LRFN2: variants seen among roughly 807,000 people sequenced by gnomAD.
LRFN2 encodes leucine-rich repeat and fibronectin type-III domain-containing protein 2.
In LRFN2, 18 loss-of-function variants were observed where a neutral mutation model predicts 37.3. That is an observed-to-expected ratio of 0.48 (90% CI 0.33 to 0.72). LRFN2 has a LOEUF of 0.72. Among genes scored for constraint, LRFN2 ranks in the 30% least tolerant of loss-of-function variants. The pLI, the probability that LRFN2 is intolerant of heterozygous loss-of-function variation, is 0.02. For synonymous variants in LRFN2, 556 were observed against 466.6 expected (o/e 1.19, Z -2.47); for missense variants, 1,006 against 1,060.7 (o/e 0.95, Z 0.72).
intron 1 of LRFN2, among the ~76,000 whole-genome samples, chr6:40,486,649 T>C (rs1171466773): frequency 6.6e-6 from 1 of 152,086 alleles, no homozygotes; most frequent in Non-Finnish European, 1.5e-5. Context: ...GAAATGTTAA[T>C]AAATCATCTG....
At chr6:40,545,174 A>G (rs1296489810) in intron 1 of LRFN2, among the ~76,000 whole-genome samples, 1 of 152,260 alleles carries the variant, frequency 6.6e-6, no homozygotes, top group Admixed American at 6.5e-5. Context: ...TAAATGCTTC[A>G]TTAATGGTAT....
Position 40,431,943 on chromosome 6 carries a change from G to T in LRFN2, c.1171C>A (p.Pro391Thr), listed in dbSNP as rs374018853. 2 of 1,613,590 alleles carry T rather than the reference G, an allele frequency of 1.2e-6. No individual in the cohort carries two copies. The highest frequency in any genetic ancestry group is 1.7e-5 in the Admixed American group (1 of 60,002). ...ATGTCTGAGAGGCGGGACTTGGGGG[G>T]TGCAGTGCGGCTGGTGCTGTTGCTG... ...HLSNSTSRTA[P>T]PKSRLSDITG... Residue 391 changes from proline to threonine, a missense_variant, in exon 2 of 3, where the codon CCC becomes ACC. Physicochemically the swap from Pro to Thr is conservative, Grantham distance 38. Coordinates refer to ENST00000338305, the MANE Select transcript of LRFN2 (RefSeq NM_020737.3).
Position 40,432,376 on chromosome 6 carries a change from G to T in LRFN2, c.738C>A (p.Cys246Ter). ...TCCGCAGCCAGAGAAGCTCACAATT[G>T]CAGTGAAGTGGGTTACCCCCAAAAC... is the stretch of plus-strand genomic sequence containing the variant. ...SFSFGGNPLHCNCELLWLRRL... is the reference protein window; with the variant it reads ...SFSFGGNPLH Residue 246 changes from cysteine (C) to a stop codon, truncating the protein, a stop_gained, in exon 2 of 3, where the codon TGC becomes TGA. Coordinates refer to ENST00000338305, the MANE Select transcript of LRFN2 (RefSeq NM_020737.3). LOFTEE classifies it high-confidence loss of function. The T allele has an allele frequency of 6.2e-7, 1 of 1,614,174 alleles. No homozygotes were observed. Among genetic ancestry groups the T allele is most frequent in the Non-Finnish European group, 8.5e-7 (1 of 1,180,048 alleles).
chr6:40,520,563 G>A (rs1766031569), intron 1 of LRFN2, among the ~76,000 whole-genome samples: 1 of 152,202 alleles, frequency 6.6e-6, no homozygotes, highest in Non-Finnish European at 1.5e-5. Context: ...TGGCCTTCCT[G>A]TCCTTTCCTA....
intron 1 of LRFN2, among the ~76,000 whole-genome samples, chr6:40,438,526 A>C (rs6941669): frequency 0.33 from 50,400 of 152,044 alleles, 9,927 homozygotes; most frequent in African/African-American, 0.54. Context: ...TGCCTAAACT[A>C]CCCTAGCTAC....
intron 2 of LRFN2, among the ~76,000 whole-genome samples, chr6:40,431,411 A>T (rs1322262810): frequency 6.6e-6 from 1 of 152,222 alleles, no homozygotes; most frequent in Non-Finnish European, 1.5e-5. Flanking sequence ...AACTGGGCTT[A>T]GAACAGAACA....
chr6:40,568,212 T>C (rs1256299487), intron 1 of LRFN2, among the ~76,000 whole-genome samples: 1 of 152,216 alleles, frequency 6.6e-6, no homozygotes, highest in Non-Finnish European at 1.5e-5. Context: ...GGCCTAGGCC[T>C]CTCTGGGAAA....
chr6:40,436,481 T>C (rs1325535069), intron 1 of LRFN2, among the ~76,000 whole-genome samples: 3 of 147,402 alleles, frequency 2.0e-5, no homozygotes, highest in African/African-American at 5.1e-5. Context: ...ACCTCTGTTC[T>C]ATAGGATATG....
intron 1 of LRFN2, among the ~76,000 whole-genome samples, chr6:40,537,359 C>A (rs1766468736): frequency 6.6e-6 from 1 of 152,202 alleles, no homozygotes; most frequent in Non-Finnish European, 1.5e-5. Context: ...TCCCCTCACT[C>A]CCAGGGCCAC....
Position 40,392,142 on chromosome 6 carries a change from A to C in LRFN2, c.2171T>G (p.Phe724Cys). 1.2e-6 allele frequency: 2 copies of C among 1,611,074 alleles called. No homozygotes were observed. Among genetic ancestry groups the C allele is most frequent in the Non-Finnish European group, 1.7e-6 (2 of 1,178,658 alleles). The stretch of plus-strand genomic sequence containing the variant: ...CGCAGCAGCAAAGTCCCCCATGTCG[A>C]AGGAGTGGCTGCGTTTGGCCTTGCC... ...LEGKAKRSHS[F>C]DMGDFAAAAA... is the part of the protein sequence containing the mutation. Residue 724 changes from phenylalanine (F) to cysteine (C), a missense_variant, in exon 3 of 3, where the codon TTC becomes TGC. Around this residue, in one of 4 missense-constraint regions of LRFN2, gnomAD observed 398 missense variants for 327.6 expected, o/e 1.21. Coordinates refer to ENST00000338305, the MANE Select transcript of LRFN2 (RefSeq NM_020737.3). The surrounding 1 kb of genome is among the most constrained non-coding windows in gnomAD (Gnocchi z 4.7).
chr6:40,435,032 TA>T, intron 1 of LRFN2, among the ~76,000 whole-genome samples: 1 of 92,908 alleles, frequency 1.1e-5, no homozygotes, highest in South Asian at 3.9e-4. Context: ...TATATATATA[TA>T]TATATATATA....
chr6:40,483,163 C>G (rs1268007074), intron 1 of LRFN2, among the ~76,000 whole-genome samples: 1 of 152,274 alleles, frequency 6.6e-6, no homozygotes, highest in African/African-American at 2.4e-5. Context: ...CTAACACTTA[C>G]TTTAAGGGTT....
intron 1 of LRFN2, among the ~76,000 whole-genome samples, chr6:40,529,164 C>A (rs1296772498): frequency 6.6e-6 from 1 of 152,162 alleles, no homozygotes; most frequent in Non-Finnish European, 1.5e-5. Context: ...TTTGAGGTAT[C>A]TGGAAGAAGC....
chr6:40,562,831 T>TCACACACACA (rs71543995), intron 1 of LRFN2, among the ~76,000 whole-genome samples: 60 of 144,144 alleles, frequency 4.2e-4, no homozygotes, highest in African/African-American at 8.5e-4. Flanking sequence ...GTGCGTGCAC[T>TCACACACACA]CACTCACACA....
At chr6:40,548,453 A>G (rs1766704969) in intron 1 of LRFN2, among the ~76,000 whole-genome samples, 1 of 151,732 alleles carries the variant, frequency 6.6e-6, no homozygotes, top group Non-Finnish European at 1.5e-5. Flanking sequence ...AAAAAAAATG[A>G]AAAAAGAAAA....
chr6:40,431,773 G>A lies in LRFN2; in HGVS notation c.1341C>T (p.Pro447=), dbSNP rs1026613752. ...LVKWSVSKSA[P]RVKMYQLQYN... ...ACTGCAGCTGGTACATCTTCACCCG[G>A]GGTGCTGACTTGCTGACAGACCACT... is the stretch of plus-strand genomic sequence containing the variant. The change falls in exon 2 of 3, where the codon CCC becomes CCT. Residue 447 remains proline, a synonymous_variant. Coordinates refer to ENST00000338305, the MANE Select transcript of LRFN2 (RefSeq NM_020737.3). The A allele has an allele frequency of 2.1e-5, 32 of 1,528,292 alleles. No homozygotes were observed. The East Asian group carries it at 5.4e-4, about 26-fold the overall frequency. 94.7% of individuals were successfully genotyped at this position (1,528,292 alleles called of 1,614,324 possible).
rs1763850905 is a variant in LRFN2 at position 40,442,086 on chromosome 6, G to A, written c.-18-8955C>T. Among the ~76,000 whole-genome samples the A allele has an allele frequency of 2.6e-5, 4 of 152,146 alleles. No individual in the cohort carries two copies. The South Asian group carries it at 8.3e-4, about 32-fold the overall frequency. On this transcript the variant is annotated intron_variant, in intron 1 of 2. Coordinates refer to ENST00000338305, the MANE Select transcript of LRFN2 (RefSeq NM_020737.3). ...TTACTCCCTCCTGCTCTGAATCACAGAGCACCCCAGTTCACTAACACACCA... is the reference window on the plus strand; with the variant it reads ...TTACTCCCTCCTGCTCTGAATCACAAAGCACCCCAGTTCACTAACACACCA...
chr6:40,570,140 A>G (rs1305866940), intron 1 of LRFN2, among the ~76,000 whole-genome samples: 2 of 152,092 alleles, frequency 1.3e-5, no homozygotes, highest in African/African-American at 4.8e-5. Flanking sequence ...CCAACATGCA[A>G]CCAGGGCTAA....
At chr6:40,488,621 T>C (rs1485136946) in intron 1 of LRFN2, among the ~76,000 whole-genome samples, 1 of 152,200 alleles carries the variant, frequency 6.6e-6, no homozygotes, top group Non-Finnish European at 1.5e-5. Context: ...CTGTGGCCCA[T>C]AGAGTGTAAT....
Sources: allele counts gnomAD v4.1 joint callset (sites outside exome capture counted in the v4.1 genomes callset), GRCh38; gene constraint gnomAD v4.1.1; regional missense constraint gnomAD v4.1.1; non-coding constraint Gnocchi (gnomAD v3.1); transcripts MANE v1.5; gene names NCBI Gene and HGNC (gene_info 2026-07-23, HGNC 2026-07-21).